The following PPEF1 variants were observed in gnomAD, a reference collection of about 807,000 sequenced individuals.
The protein encoded by PPEF1 is protein phosphatase with EF-hand domain 1.
PPEF1 carries 12 observed loss-of-function variants against 53.3 expected under a neutral mutation model. The ratio of observed to expected loss-of-function variants is 0.23; its 90% CI spans 0.14 to 0.36. PPEF1 has a LOEUF of 0.36. PPEF1 is among the 10% of genes least tolerant of loss of function. The probability of loss-of-function intolerance (pLI) is 1.00; values close to 1 mark genes in which losing one functional copy is unlikely to be tolerated. For missense variants in PPEF1, 334 were observed against 490.4 expected (o/e 0.68, Z 3.01); for synonymous variants, 165 against 176.7 (o/e 0.93, Z 0.52).
Position 18,761,567 on chromosome X carries a change from C to G in PPEF1, c.549C>G (p.Ile183Met). ...LHGKLDDLFL[I>M]FYKNGLPSER... ...GGAAACTGGATGATCTTTTTTTGAT[C>G]TTCTACAAGGTAAATGATGATTTTG... Residue 183 changes from isoleucine (I) to methionine (M), a missense_variant, in exon 6 of 16, where the codon ATC becomes ATG. By Grantham distance (10) the Ile-to-Met change is conservative (BLOSUM62 1). Transcript: ENST00000470157. 8.3e-7 allele frequency: 1 copy of G among 1,205,093 alleles called. No homozygotes were observed. Among genetic ancestry groups the G allele is most frequent in the East Asian group, 3.0e-5 (1 of 33,802 alleles).
At chrX:18,742,911 C>T (rs1773340767) in intron 3 of PPEF1, among the ~76,000 whole-genome samples, 1 of 111,608 alleles carries the variant, frequency 9.0e-6, no homozygotes. Context: ...GTCCATTAGG[C>T]TATTCTGGAC....
chrX:18,822,125 G>A (rs892975292), intron 13 of PPEF1, among the ~76,000 whole-genome samples: 3 of 112,168 alleles, frequency 2.7e-5, no homozygotes, highest in African/African-American at 6.5e-5. Flanking sequence ...GGGCTGTGGT[G>A]TCAGTGAAAT....
At chrX:18,754,741 G>A (rs144512273) in intron 4 of PPEF1, among the ~76,000 whole-genome samples, 95 of 111,753 alleles carry the variant, frequency 8.5e-4, no homozygotes, top group African/African-American at 2.9e-3. Context: ...GGGACTGTAG[G>A]CACATGCCAT....
intron 10 of PPEF1, among the ~76,000 whole-genome samples, chrX:18,802,439 C>T (rs768961952): frequency 1.9e-4 from 21 of 111,479 alleles, no homozygotes; most frequent in Admixed American, 1.3e-3. Context: ...GCCTCTCCTG[C>T]GCCCCAAAGG....
intron 12 of PPEF1, among the ~76,000 whole-genome samples, chrX:18,809,097 A>G (rs867814654): frequency 2.1e-5 from 2 of 93,732 alleles, no homozygotes; most frequent in African/African-American, 5.3e-5. Context: ...CATTATATCT[A>G]TCTATCTATC....
intron 10 of PPEF1, among the ~76,000 whole-genome samples, chrX:18,796,869 T>G (rs1394388112): frequency 1.8e-5 from 2 of 111,902 alleles, no homozygotes; most frequent in Non-Finnish European, 3.8e-5. Flanking sequence ...AACAAGCTCT[T>G]CTAGGATTAT....
chrX:18,705,722 A>T (rs965507468), upstream of PPEF1, among the ~76,000 whole-genome samples: 2 of 111,357 alleles, frequency 1.8e-5, no homozygotes, highest in Admixed American at 9.5e-5. Flanking sequence ...CTCAAAAAAT[A>T]AATAAAAATT....
At chrX:18,823,562 G>A (rs2047106970) in intron 13 of PPEF1, among the ~76,000 whole-genome samples, 1 of 109,909 alleles carries the variant, frequency 9.1e-6, no homozygotes, top group African/African-American at 3.3e-5. Context: ...AGGAGGCGGA[G>A]GTTGCAGTGA....
chrX:18,777,942 G>A (rs777528770), intron 6 of PPEF1, among the ~76,000 whole-genome samples: 9 of 109,782 alleles, frequency 8.2e-5, no homozygotes, highest in Non-Finnish European at 1.3e-4. Flanking sequence ...ATGGGGTTTC[G>A]TCACGTTGGC....
chrX:18,696,630 G>A (rs1929740132), intron 4 of PPEF1, among the ~76,000 whole-genome samples: 1 of 112,132 alleles, frequency 8.9e-6, no homozygotes, highest in Non-Finnish European at 1.9e-5. Flanking sequence ...GAGTTCTGAT[G>A]TTTTGCTTTC....
At chrX:18,811,617 T>A (rs78563420) in intron 12 of PPEF1, among the ~76,000 whole-genome samples, 48 of 13,147 alleles carry the variant, frequency 3.7e-3, no homozygotes, top group Middle Eastern at 0.032. Context: ...ATATATATAT[T>A]TTTTTTTTTT....
Position 18,762,393 on chromosome X carries a change from G to A in PPEF1, c.558+817G>A, listed in dbSNP as rs1487523946. On this transcript the variant is annotated intron_variant, in intron 6 of 15. Coordinates refer to ENST00000470157, the MANE Select transcript of PPEF1 (RefSeq NM_001377996.1). The stretch of plus-strand genomic sequence containing the variant: ...TGGGCGTAGCGTAGGTATCTCAGAT[G>A]GGTGGAAAGAAAATATATTCTGATT... Among the ~76,000 whole-genome samples, 7 of 111,786 alleles carry A rather than the reference G, an allele frequency of 6.3e-5. No individual in the cohort carries two copies. The East Asian group carries it at 1.7e-3, about 27-fold the overall frequency.
chrX:18,692,787 C>T (rs1459720415), intron 4 of PPEF1, among the ~76,000 whole-genome samples: 1 of 111,932 alleles, frequency 8.9e-6, no homozygotes, highest in Non-Finnish European at 1.9e-5. Context: ...AATCTGGCAG[C>T]TTTAAGCGGA....
At chrX:18,783,784 C>T (rs2046144605) in intron 8 of PPEF1, 115 bp from the exon 9 acceptor site, 10 of 703,006 alleles carry the variant, frequency 1.4e-5, no homozygotes, top group Non-Finnish European at 2.1e-5. Context: ...TTAGTGACTC[C>T]TTGCTGACTT....
chrX:18,688,112 C>T (rs1280644178), intron 3 of PPEF1, among the ~76,000 whole-genome samples: 1 of 112,304 alleles, frequency 8.9e-6, no homozygotes, highest in African/African-American at 3.2e-5. Context: ...CTCCAGTTTC[C>T]CTTTCTTAAT....
intron 3 of PPEF1, 79 bp from the exon 4 acceptor site, chrX:18,749,713 G>C (rs1210848442): frequency 2.7e-6 from 2 of 731,971 alleles, no homozygotes; most frequent in Non-Finnish European, 4.0e-6. Context: ...TATTCAAGAA[G>C]ATATTTATTA....
At chrX:18,742,698 A>G (rs1361293262) in intron 3 of PPEF1, among the ~76,000 whole-genome samples, 1 of 110,412 alleles carries the variant, frequency 9.1e-6, no homozygotes, top group Non-Finnish European at 1.9e-5. Flanking sequence ...AAAATACAAA[A>G]ATTAGCTGGG....
At chrX:18,723,002 T>C (rs2044621984) in intron 1 of PPEF1, among the ~76,000 whole-genome samples, 1 of 109,850 alleles carries the variant, frequency 9.1e-6, no homozygotes, top group Non-Finnish European at 1.9e-5. Flanking sequence ...TTTTTTTTTT[T>C]GTGACGGAGT....
chrX:18,742,721 C>T (rs1351213438), intron 3 of PPEF1, among the ~76,000 whole-genome samples: 4 of 109,752 alleles, frequency 3.6e-5, no homozygotes, highest in South Asian at 3.9e-4. Flanking sequence ...TGTTGGTGCA[C>T]GCCTGTAATC....
Sources: gnomAD v4.1 joint callset for allele counts (sites outside exome capture counted in the v4.1 genomes callset) on GRCh38, gnomAD v4.1.1 for gene constraint, MANE v1.5 for transcripts, NCBI Gene and HGNC (gene_info 2026-07-23, HGNC 2026-07-21) for gene names.